The following TEAD1 variants were observed in gnomAD, a reference collection of about 807,000 sequenced individuals.
The protein encoded by TEAD1 is TEA domain transcription factor 1.
A neutral mutation model predicts 54.9 loss-of-function variants in TEAD1; 9 were observed. The observed-to-expected ratio is 0.16, with a 90% CI of 0.10 to 0.29. The LOEUF (loss-of-function observed/expected upper bound fraction) is 0.29, where lower values mean the gene tolerates loss of function less well. TEAD1 is among the 10% of genes least tolerant of loss of function. The probability of loss-of-function intolerance (pLI) is 1.00; values close to 1 mark genes in which losing one functional copy is unlikely to be tolerated. For missense variants in TEAD1, 387 were observed against 535.9 expected, an observed-to-expected ratio of 0.72 and a Z score of 2.74; for synonymous variants, 200 against 187.8, an observed-to-expected ratio of 1.07 and a Z score of -0.53.
At chr11:12,680,141 CCTT>C (rs1487202178) in intron 2 of TEAD1, among the ~76,000 whole-genome samples, 10 of 152,152 alleles carry the variant, frequency 6.6e-5, no homozygotes, top group African/African-American at 2.4e-4. Context: ...TTTATCTGTT[CCTT>C]CTTTACTCTG....
intron 10 of TEAD1, among the ~76,000 whole-genome samples, chr11:12,919,437 A>G (rs1386173003): frequency 6.6e-6 from 1 of 152,174 alleles, no homozygotes; most frequent in African/African-American, 2.4e-5. Flanking sequence ...TTAACTGACA[A>G]AACCTCCTTT....
At chr11:12,878,031 T>A (rs1300097601) in intron 5 of TEAD1, among the ~76,000 whole-genome samples, 3 of 152,020 alleles carry the variant, frequency 2.0e-5, no homozygotes, top group Admixed American at 1.3e-4. Flanking sequence ...GGTCTTGAAC[T>A]CCTGGGCCCA....
At chr11:12,896,809 C>T (rs955604246) in intron 9 of TEAD1, among the ~76,000 whole-genome samples, 2 of 152,184 alleles carry the variant, frequency 1.3e-5, no homozygotes, top group African/African-American at 2.4e-5. Context: ...TCTGTAGGTT[C>T]TATGAAGATG....
At chr11:12,720,530 G>A (rs1457527560) in intron 2 of TEAD1, among the ~76,000 whole-genome samples, 1 of 152,134 alleles carries the variant, frequency 6.6e-6, no homozygotes, top group Non-Finnish European at 1.5e-5. Flanking sequence ...TCTATGAGGT[G>A]AGCATTATTA....
At chr11:12,736,428 T>C (rs1407827316) in intron 2 of TEAD1, among the ~76,000 whole-genome samples, 1 of 152,230 alleles carries the variant, frequency 6.6e-6, no homozygotes, top group African/African-American at 2.4e-5. Context: ...TAAAATGTTA[T>C]TTGCATTTAA....
intron 10 of TEAD1, among the ~76,000 whole-genome samples, chr11:12,919,745 C>T (rs979693882): frequency 2.0e-5 from 3 of 152,172 alleles, no homozygotes; most frequent in African/African-American, 7.2e-5. Flanking sequence ...AGCAATCCTC[C>T]TGCCTCAACC....
intron 3 of TEAD1, among the ~76,000 whole-genome samples, chr11:12,786,810 A>G (rs1324049788): frequency 6.6e-6 from 1 of 152,180 alleles, no homozygotes; most frequent in Non-Finnish European, 1.5e-5. Context: ...GAAGTGATAA[A>G]GAGGAAAATA....
intron 3 of TEAD1, among the ~76,000 whole-genome samples, chr11:12,850,170 A>G (rs561370131): frequency 6.6e-6 from 1 of 152,290 alleles, no homozygotes; most frequent in Admixed American, 6.5e-5. Flanking sequence ...GTGTGGTGAC[A>G]CATGCCTATA....
chr11:12,724,703 G>A (rs1395219335), intron 2 of TEAD1, among the ~76,000 whole-genome samples: 2 of 152,240 alleles, frequency 1.3e-5, no homozygotes, highest in Admixed American at 6.5e-5. Context: ...TCCCTGGCCT[G>A]TCTTGAGGGC....
intron 2 of TEAD1, among the ~76,000 whole-genome samples, chr11:12,715,582 G>C (rs970996979): frequency 2.4e-4 from 36 of 152,298 alleles, no homozygotes; most frequent in African/African-American, 7.7e-4. Flanking sequence ...ACGTGATGCA[G>C]ACGGGGCTGC....
intron 10 of TEAD1, among the ~76,000 whole-genome samples, chr11:12,906,099 C>T (rs571668686): frequency 6.6e-6 from 1 of 152,202 alleles, no homozygotes; most frequent in African/African-American, 2.4e-5. Context: ...AGCATGAGTA[C>T]CCCTCTACCA....
intron 9 of TEAD1, among the ~76,000 whole-genome samples, chr11:12,887,316 C>T (rs557561753): frequency 3.9e-5 from 6 of 152,020 alleles, no homozygotes; most frequent in Admixed American, 1.3e-4. Context: ...AAGATGGTCT[C>T]GATCTCCTGA....
chr11:12,774,865 G>A (rs1409063898), intron 3 of TEAD1, among the ~76,000 whole-genome samples: 3 of 152,008 alleles, frequency 2.0e-5, no homozygotes, highest in African/African-American at 4.8e-5. Context: ...CAATAGACAC[G>A]GGGCCTGATG....
intron 2 of TEAD1, among the ~76,000 whole-genome samples, chr11:12,702,275 A>G (rs12099010): frequency 0.035 from 5,295 of 152,222 alleles, 332 homozygotes; most frequent in African/African-American, 0.12. Context: ...CAGGGTAAGA[A>G]TGTTGGAAAT....
At position 12,769,950 on chromosome 11, in the gene TEAD1, G is replaced by T. The variant is rs185030481; in HGVS notation, c.202+5516G>T. 6.6e-5 allele frequency among the ~76,000 whole-genome samples: 10 copies of T among 152,302 alleles called. 1 individual carries two copies. The South Asian group carries it at 1.9e-3, about 28-fold the overall frequency. ...GTGATTAAGCCTGTAAGCCCTGAGG[G>T]CCTCTCCTGTGGGAGGAAGTGGCTA... On this transcript the variant is annotated intron_variant, in intron 3 of 12. Coordinates refer to ENST00000527636, the MANE Select transcript of TEAD1 (RefSeq NM_021961.6).
At chr11:12,839,479 A>C (rs1001446131) in intron 3 of TEAD1, among the ~76,000 whole-genome samples, 1 of 152,210 alleles carries the variant, frequency 6.6e-6, no homozygotes, top group Non-Finnish European at 1.5e-5. Flanking sequence ...GAAATACTGC[A>C]TCCACTCTGT....
chr11:12,682,795 A>T (rs1590047885), intron 2 of TEAD1, among the ~76,000 whole-genome samples: 1 of 152,340 alleles, frequency 6.6e-6, no homozygotes, highest in East Asian at 1.9e-4. Flanking sequence ...TTTACAGATT[A>T]GCAAGGAAAA....
chr11:12,804,595 G>T (rs1946129650), intron 3 of TEAD1, among the ~76,000 whole-genome samples: 1 of 151,906 alleles, frequency 6.6e-6, no homozygotes, highest in Non-Finnish European at 1.5e-5. Context: ...TTTGTTGACT[G>T]TGCGATCACA....
intron 2 of TEAD1, among the ~76,000 whole-genome samples, chr11:12,722,632 G>A (rs1944231578): frequency 6.7e-6 from 1 of 148,834 alleles, no homozygotes; most frequent in Non-Finnish European, 1.5e-5. Context: ...TATATACCCT[G>A]TGATTTCTCT....
Sources: gnomAD v4.1 joint callset for allele counts (sites outside exome capture counted in the v4.1 genomes callset) on GRCh38, gnomAD v4.1.1 for gene constraint, MANE v1.5 for transcripts, NCBI Gene and HGNC (gene_info 2026-07-23, HGNC 2026-07-21) for gene names.